Variants in RANBP2 observed in about 807,000 individuals in gnomAD.
RANBP2 encodes RAN binding protein 2, also known as E3 SUMO-protein ligase RanBP2.
Under a neutral mutation model 303.6 loss-of-function variants are expected in RANBP2, and 57 were observed. That is an observed-to-expected ratio of 0.19 (90% CI 0.15 to 0.23). The LOEUF (loss-of-function observed/expected upper bound fraction) is 0.23, where lower values mean the gene tolerates loss of function less well. Ranked by LOEUF, RANBP2 falls within the 10% of genes least tolerant of loss-of-function variation. The probability of loss-of-function intolerance (pLI) is 1.00; values close to 1 mark genes in which losing one functional copy is unlikely to be tolerated. For missense variants in RANBP2, 3,138 were observed against 3,780.8 expected (o/e 0.83, Z 4.46); for synonymous variants, 1,167 against 1,301.5 (o/e 0.90, Z 2.23).
At chr2:108,895,842 T>G in the RANBP2 span, 1 of 152,222 alleles carries the variant, frequency 6.6e-6, no homozygotes, top group Non-Finnish European at 1.5e-5. Flanking sequence ...GAAGGCTGAG[T>G]CTGAAACTCT....
chr2:109,077,504 A>G, the RANBP2 span, among the ~76,000 whole-genome samples: 1 of 148,356 alleles, frequency 6.7e-6, no homozygotes, highest in African/African-American at 2.4e-5. Context: ...AAAGGAATGA[A>G]TCAATGAAAT....
the RANBP2 span, among the ~76,000 whole-genome samples, chr2:109,461,851 T>A: frequency 1.3e-5 from 2 of 152,268 alleles, no homozygotes; most frequent in East Asian, 3.9e-4. Flanking sequence ...ACTATCAATT[T>A]TGGGGGTCAC....
chr2:108,993,247 C>G, the RANBP2 span, among the ~76,000 whole-genome samples: 1 of 152,018 alleles, frequency 6.6e-6, no homozygotes, highest in Non-Finnish European at 1.5e-5. Flanking sequence ...TTCAGATGGA[C>G]CAAAGGTCTT....
At chr2:109,581,873 A>G in the RANBP2 span, among the ~76,000 whole-genome samples, 1 of 152,238 alleles carries the variant, frequency 6.6e-6, no homozygotes, top group African/African-American at 2.4e-5. Context: ...TAGGAAAAGA[A>G]AAAGTCAAAT....
chr2:108,897,526 G>C, the RANBP2 span, among the ~76,000 whole-genome samples: 1 of 152,092 alleles, frequency 6.6e-6, no homozygotes, highest in South Asian at 2.1e-4. Flanking sequence ...ATTTTTAGCA[G>C]TTCTCAAAGA....
the RANBP2 span, among the ~76,000 whole-genome samples, chr2:109,387,740 G>T: frequency 0.44 from 67,362 of 152,086 alleles, 15,595 homozygotes; most frequent in South Asian, 0.54. Flanking sequence ...TCCTTGTCTG[G>T]GTATCTGGGA....
At chr2:108,897,850 A>G in the RANBP2 span, among the ~76,000 whole-genome samples, 1 of 152,234 alleles carries the variant, frequency 6.6e-6, no homozygotes, top group Admixed American at 6.5e-5. Context: ...AAAGCCCTGG[A>G]CATTCTGTGT....
At chr2:109,660,632 G>A in the RANBP2 span, among the ~76,000 whole-genome samples, 2 of 152,372 alleles carry the variant, frequency 1.3e-5, no homozygotes, top group South Asian at 4.1e-4. Context: ...TGCTGGATGA[G>A]TAGCCAGTTG....
chr2:109,366,420 A>G, the RANBP2 span, among the ~76,000 whole-genome samples: 1 of 152,266 alleles, frequency 6.6e-6, no homozygotes, highest in African/African-American at 2.4e-5. Flanking sequence ...AGCAAGATAC[A>G]GAAAAGTGTG....
chr2:109,432,823 A>G, the RANBP2 span, among the ~76,000 whole-genome samples: 1 of 152,236 alleles, frequency 6.6e-6, no homozygotes, highest in African/African-American at 2.4e-5. Context: ...TGGCGTCCCC[A>G]GGCCCACATT....
the RANBP2 span, among the ~76,000 whole-genome samples, chr2:109,680,008 G>A: frequency 6.6e-6 from 1 of 151,966 alleles, no homozygotes; most frequent in Admixed American, 6.6e-5. Flanking sequence ...GGGCAGTTTC[G>A]TTTAAAGCTG....
the RANBP2 span, among the ~76,000 whole-genome samples, chr2:109,409,354 G>A: frequency 6.6e-6 from 1 of 152,212 alleles, no homozygotes; most frequent in Non-Finnish European, 1.5e-5. Context: ...GGTAGTATCT[G>A]CCGCAGTGAC....
At chr2:108,901,683 A>G in the RANBP2 span, among the ~76,000 whole-genome samples, 2 of 152,258 alleles carry the variant, frequency 1.3e-5, no homozygotes. Context: ...AACTCTACAC[A>G]TATAAATTTG....
chr2:108,930,920 T>C, the RANBP2 span: 4 of 1,606,480 alleles, frequency 2.5e-6, no homozygotes, highest in Middle Eastern at 1.7e-4. Context: ...CCAACCATCA[T>C]GAGGATGAGG....
the RANBP2 span, among the ~76,000 whole-genome samples, chr2:109,469,276 C>T: frequency 6.6e-6 from 1 of 152,244 alleles, no homozygotes; most frequent in African/African-American, 2.4e-5. Flanking sequence ...GATCTAACAG[C>T]CCTAAAGACA....
the RANBP2 span, among the ~76,000 whole-genome samples, chr2:109,629,331 ATATATATATATATATATATATATATTTT>A: frequency 0.012 from 201 of 16,358 alleles, 5 homozygotes; most frequent in African/African-American, 0.023. Context: ...ATATATATAT[ATATATATATATATATATATATATATTTT>A]TTTTTTTTTT....
chr2:109,675,613 C>T, the RANBP2 span, among the ~76,000 whole-genome samples: 3 of 151,944 alleles, frequency 2.0e-5, no homozygotes, highest in Non-Finnish European at 4.4e-5. Context: ...ACCCAGGAGG[C>T]GGAGGTTGCA....
chr2:109,269,025 G>GAA, the RANBP2 span, among the ~76,000 whole-genome samples: 2 of 152,224 alleles, frequency 1.3e-5, no homozygotes, highest in African/African-American at 4.8e-5. Context: ...TGAGGCTTGA[G>GAA]GACAGCTCCT....
chr2:109,544,771 T>C, the RANBP2 span: 2 of 820,772 alleles, frequency 2.4e-6, no homozygotes, highest in African/African-American at 3.7e-5. Flanking sequence ...ACAGCTTTTA[T>C]ACTATTTATT....
Sources: allele counts gnomAD v4.1 joint callset (sites outside exome capture counted in the v4.1 genomes callset), GRCh38; gene constraint gnomAD v4.1.1; transcripts MANE v1.5; gene names NCBI Gene and HGNC (gene_info 2026-07-23, HGNC 2026-07-21).